The following NDUFA9 variants were observed in gnomAD, a reference collection of about 807,000 sequenced individuals.
NDUFA9 encodes NADH:ubiquinone oxidoreductase subunit A9, also known as NADH dehydrogenase [ubiquinone] 1 alpha subcomplex subunit 9, mitochondrial.
Under a neutral mutation model 45.9 loss-of-function variants are expected in NDUFA9, and 23 were observed. The observed-to-expected ratio is 0.50, with a 90% confidence interval of 0.36 to 0.71. The LOEUF is 0.71. Ranked by LOEUF, NDUFA9 falls within the 30% of genes least tolerant of loss-of-function variation. The probability of loss-of-function intolerance (pLI) is 0.00; values close to 1 mark genes in which losing one functional copy is unlikely to be tolerated. For synonymous variants in NDUFA9, 176 were observed against 170.5 expected, an observed-to-expected ratio of 1.03 and a Z score of -0.25; for missense variants, 466 against 488.2, an observed-to-expected ratio of 0.95 and a Z score of 0.43.
intron 1 of NDUFA9, among the ~76,000 whole-genome samples, chr12:4,651,025 A>T (rs959250266): frequency 6.6e-6 from 1 of 152,192 alleles, no homozygotes; most frequent in Non-Finnish European, 1.5e-5. Context: ...ATTGCTTTCT[A>T]TAGTAATAAT....
At chr12:4,654,737 T>C in intron 2 of NDUFA9, 88 bp from the exon 3 acceptor site, 1 of 1,131,168 alleles carries the variant, frequency 8.8e-7, no homozygotes, top group East Asian at 2.4e-5. Context: ...CATACCATAC[T>C]AGAATTTAAA....
chr12:4,676,389 AC>A (rs1226693988), intron 8 of NDUFA9, among the ~76,000 whole-genome samples: 2 of 152,010 alleles, frequency 1.3e-5, no homozygotes, highest in African/African-American at 4.8e-5. Context: ...TATTTAGAAA[AC>A]TCCATTGTCT....
chr12:4,652,929 G>A (rs943672045), intron 1 of NDUFA9, among the ~76,000 whole-genome samples: 3 of 152,174 alleles, frequency 2.0e-5, no homozygotes, highest in African/African-American at 7.2e-5. Context: ...ATGACCTTTG[G>A]GCAGAATGCC....
chr12:4,662,995 A>T (rs1050691866), intron 6 of NDUFA9, among the ~76,000 whole-genome samples: 10 of 152,140 alleles, frequency 6.6e-5, no homozygotes, highest in Non-Finnish European at 4.4e-5. Flanking sequence ...ACCCACCCCT[A>T]ACCCCAGACA....
chr12:4,668,627 C>CT (rs1362766016), intron 7 of NDUFA9, 103 bp downstream of exon 7: 11 of 1,051,960 alleles, frequency 1.0e-5, no homozygotes, highest in Admixed American at 1.8e-5. Flanking sequence ...CTGTCATTTT[C>CT]TTTGTCAACT....
At chr12:4,685,179 TC>T (rs1356026366) in intron 9 of NDUFA9, 79 bp from the exon 10 acceptor site, 1 of 1,258,752 alleles carries the variant, frequency 7.9e-7, no homozygotes, top group South Asian at 1.2e-5. Context: ...CGGTCTGTCT[TC>T]CTGCAGTTCT....
At chr12:4,685,081 A>G (rs764400249) in intron 9 of NDUFA9, 178 bp from the exon 10 acceptor site, 10 of 706,142 alleles carry the variant, frequency 1.4e-5, no homozygotes, top group Non-Finnish European at 1.8e-5. Context: ...TTGGCTTGAG[A>G]GGAGATGGAC....
At chr12:4,662,012 T>C (rs377767098) in intron 5 of NDUFA9, among the ~76,000 whole-genome samples, 1 of 152,150 alleles carries the variant, frequency 6.6e-6, no homozygotes, top group African/African-American at 2.4e-5. Context: ...AATTAGGTGC[T>C]GATATCTTCA....
chr12:4,678,300 T>C (rs1412006654), intron 8 of NDUFA9, among the ~76,000 whole-genome samples: 2 of 151,826 alleles, frequency 1.3e-5, no homozygotes, highest in Non-Finnish European at 1.5e-5. Flanking sequence ...AAAATTTCAA[T>C]TGGTAAAAAT....
Position 4,686,921 on chromosome 12 carries a change from C to A in NDUFA9, c.964-17C>A. Reference sequence around the variant, plus strand: ...GCCAGTTTTCAGCATTGTCTGTGGTCCTTTGTTTATCCAAAGATGCACATC... The same window carrying A: ...GCCAGTTTTCAGCATTGTCTGTGGTACTTTGTTTATCCAAAGATGCACATC... On this transcript the variant is annotated splice_polypyrimidine_tract_variant and intron_variant, in intron 10 of 10. Transcript: ENST00000266544. 1.2e-6 allele frequency: 2 copies of A among 1,611,814 alleles called. No individual in the cohort carries two copies. Among genetic ancestry groups the A allele is most frequent in the South Asian group, 2.2e-5 (2 of 90,552 alleles).
chr12:4,661,085 A>AG (rs1420850261), intron 5 of NDUFA9, among the ~76,000 whole-genome samples: 1 of 152,040 alleles, frequency 6.6e-6, no homozygotes, highest in Non-Finnish European at 1.5e-5. Flanking sequence ...AGGATGTGGA[A>AG]GAGAGAGTAA....
intron 6 of NDUFA9, among the ~76,000 whole-genome samples, chr12:4,663,136 T>A (rs1381094271): frequency 6.6e-6 from 1 of 152,220 alleles, no homozygotes; most frequent in Admixed American, 6.5e-5. Context: ...TAAGGTTCTT[T>A]CATTTCTTTT....
intron 8 of NDUFA9, among the ~76,000 whole-genome samples, chr12:4,678,281 A>G (rs538942438): frequency 1.3e-5 from 2 of 152,194 alleles, no homozygotes; most frequent in Admixed American, 1.3e-4. Flanking sequence ...TTAAAGTATA[A>G]TTAAAAAAAA....
chr12:4,658,213 G>A (rs1945802677), intron 4 of NDUFA9, among the ~76,000 whole-genome samples: 1 of 152,150 alleles, frequency 6.6e-6, no homozygotes, highest in Non-Finnish European at 1.5e-5. Flanking sequence ...TGTCTTTTCT[G>A]CATTGTTAAT....
intron 8 of NDUFA9, among the ~76,000 whole-genome samples, chr12:4,673,100 T>C: frequency 6.6e-6 from 1 of 152,158 alleles, no homozygotes; most frequent in East Asian, 1.9e-4. Context: ...GGGTCTGGTG[T>C]GGACCTCCAG....
chr12:4,691,823 G>C lies in NDUFA9; in HGVS notation c.*4715G>C, dbSNP rs905614128. The C allele has an allele frequency of 6.6e-6, 1 of 151,408 alleles. No individual in the cohort carries two copies. Among genetic ancestry groups the C allele is most frequent in the African/African-American group, 2.4e-5 (1 of 41,110 alleles). 9.4% of individuals were successfully genotyped at this position (151,408 alleles called of 1,614,324 possible). A position where few individuals can be genotyped will look rare whatever the true frequency, so the allele number is the denominator to read the frequency against. The stretch of plus-strand genomic sequence containing the variant: ...CTGTGAGGGCCAGGATGGGGGGGGG[G>C]GTCATGGGTCATCTGTGTTTGCTGA... On this transcript the variant is annotated 3_prime_UTR_variant, in exon 11 of 11. Transcript: ENST00000266544.
rs1946031088 is a variant in NDUFA9, at chr12:4,694,110, C to G, written c.*7002C>G. 6.6e-6 allele frequency: 1 copy of G among 152,236 alleles called. No individual in the cohort carries two copies. The highest frequency in any genetic ancestry group is 2.4e-5 in the African/African-American group (1 of 41,456). The allele number at this position is 152,236 out of a possible 1,614,324, so 9.4% of individuals were successfully genotyped here. On this transcript the variant is annotated 3_prime_UTR_variant, in exon 11 of 11. Transcript: ENST00000266544. ...ATTCTATGGGAGCTATCTTGCAACT[C>G]TGTAAGCTGTAGGTAACTGATAGCA...
chr12:4,662,324 A>ACC (rs1482134550), intron 5 of NDUFA9, among the ~76,000 whole-genome samples: 2 of 152,216 alleles, frequency 1.3e-5, no homozygotes, highest in Non-Finnish European at 2.9e-5. Context: ...ATTGGAAGAG[A>ACC]CCCAACCCAA....
chr12:4,681,822 G>A (rs1945954373), intron 8 of NDUFA9, among the ~76,000 whole-genome samples: 1 of 151,706 alleles, frequency 6.6e-6, no homozygotes, highest in African/African-American at 2.4e-5. Flanking sequence ...AATTTTAATA[G>A]CATAAATATC....
Sources: gnomAD v4.1 joint callset for allele counts (sites outside exome capture counted in the v4.1 genomes callset) on GRCh38, gnomAD v4.1.1 for gene constraint, MANE v1.5 for transcripts, NCBI Gene and HGNC (gene_info 2026-07-23, HGNC 2026-07-21) for gene names.